Variants in C3orf33 observed in about 807,000 individuals in gnomAD.
The protein encoded by C3orf33 is mitochondrial inner membrane subdomain organizer 1.
A neutral mutation model predicts 28.7 loss-of-function variants in C3orf33; 23 were observed. The observed-to-expected ratio is 0.80, with a 90% CI of 0.58 to 1.13. C3orf33 has a LOEUF of 1.13. Among genes scored for constraint, C3orf33 ranks in the 50% most tolerant of loss-of-function variants. The pLI is 0.00. For synonymous variants in C3orf33, 119 were observed against 120.5 expected (o/e 0.99, Z 0.08); for missense variants, 327 against 353.4 (o/e 0.93, Z 0.60).
At chr3:155,773,779 A>G (rs1364100664) in intron 3 of C3orf33, among the ~76,000 whole-genome samples, 1 of 152,202 alleles carries the variant, frequency 6.6e-6, no homozygotes, top group Non-Finnish European at 1.5e-5. Flanking sequence ...AGCTCTAACG[A>G]GTCATTACTA....
chr3:155,790,928 G>A (rs755913571), intron 2 of C3orf33, among the ~76,000 whole-genome samples: 3 of 152,256 alleles, frequency 2.0e-5, no homozygotes, highest in African/African-American at 4.8e-5. Flanking sequence ...TCCTGGTGCC[G>A]TGTTGGCTCA....
intron 2 of C3orf33, among the ~76,000 whole-genome samples, chr3:155,801,717 G>C (rs1482042590): frequency 2.0e-5 from 3 of 152,042 alleles, no homozygotes; most frequent in African/African-American, 7.2e-5. Context: ...GGGATGAGGG[G>C]AAAGGGAAGT....
chr3:155,772,794 G>GTGTA (rs1750630516), intron 3 of C3orf33, among the ~76,000 whole-genome samples: 1 of 151,676 alleles, frequency 6.6e-6, no homozygotes, highest in African/African-American at 2.4e-5. Context: ...GTGTGTGTGT[G>GTGTA]TGTGTGTGTG....
chr3:155,779,077 G>T (rs1750838823), intron 2 of C3orf33, among the ~76,000 whole-genome samples: 1 of 152,170 alleles, frequency 6.6e-6, no homozygotes, highest in Non-Finnish European at 1.5e-5. Context: ...GTGATATTTA[G>T]AGATTTTAGG....
intron 3 of C3orf33, among the ~76,000 whole-genome samples, chr3:155,774,029 G>A (rs1046928140): frequency 6.6e-6 from 1 of 152,146 alleles, no homozygotes; most frequent in African/African-American, 2.4e-5. Context: ...TGAACAGAGT[G>A]ATATTCGTTC....
intron 3 of C3orf33, among the ~76,000 whole-genome samples, chr3:155,769,819 A>G (rs1349835315): frequency 6.6e-6 from 1 of 152,174 alleles, no homozygotes; most frequent in African/African-American, 2.4e-5. Flanking sequence ...CCAAAAACCA[A>G]GCTGCAAGTC....
chr3:155,796,801 AT>A (rs1751486981), intron 2 of C3orf33, among the ~76,000 whole-genome samples: 1 of 152,240 alleles, frequency 6.6e-6, no homozygotes, highest in Non-Finnish European at 1.5e-5. Flanking sequence ...ATTCAACAAC[AT>A]ATTAAAAAGA....
At chr3:155,769,267 G>A (rs1277960381) in intron 3 of C3orf33, among the ~76,000 whole-genome samples, 10 of 151,372 alleles carry the variant, frequency 6.6e-5, no homozygotes, top group Non-Finnish European at 1.2e-4. Flanking sequence ...AGCCAAGATC[G>A]TGCCATTGCA....
intron 2 of C3orf33, among the ~76,000 whole-genome samples, chr3:155,792,103 C>T (rs950077531): frequency 6.6e-6 from 1 of 152,110 alleles, no homozygotes; most frequent in African/African-American, 2.4e-5. Flanking sequence ...GTCACCCCTC[C>T]TCCAGCTCCA....
intron 2 of C3orf33, among the ~76,000 whole-genome samples, chr3:155,786,503 TA>T (rs1292353484): frequency 6.6e-6 from 1 of 151,954 alleles, no homozygotes; most frequent in Non-Finnish European, 1.5e-5. Context: ...ACAAATTGGA[TA>T]ACATAGATGA....
intron 3 of C3orf33, among the ~76,000 whole-genome samples, chr3:155,768,159 C>T (rs371483469): frequency 1.8e-4 from 28 of 152,236 alleles, no homozygotes; most frequent in African/African-American, 6.5e-4. Flanking sequence ...GGATTACAGG[C>T]GTGAGTCACC....
At chr3:155,792,792 G>A (rs1379856225) in intron 2 of C3orf33, among the ~76,000 whole-genome samples, 1 of 151,678 alleles carries the variant, frequency 6.6e-6, no homozygotes, top group African/African-American at 2.4e-5. Flanking sequence ...ACAGTCAGAG[G>A]AGAAAAAAAT....
chr3:155,766,120 G>C (rs753973233), intron 4 of C3orf33, among the ~76,000 whole-genome samples: 66 of 152,108 alleles, frequency 4.3e-4, no homozygotes, highest in South Asian at 1.2e-3. Context: ...TCTCGACTGC[G>C]TAGGCTGAAG....
chr3:155,772,396 G>A (rs1750618763), intron 3 of C3orf33, among the ~76,000 whole-genome samples: 1 of 152,104 alleles, frequency 6.6e-6, no homozygotes, highest in Non-Finnish European at 1.5e-5. Context: ...AGATGGGTGG[G>A]AAACTCTGTG....
intron 1 of C3orf33, among the ~76,000 whole-genome samples, chr3:155,803,564 CAAAAAAAAAAAAAA>C (rs63676264): frequency 5.6e-5 from 3 of 53,846 alleles, no homozygotes; most frequent in Non-Finnish European, 9.3e-5. Flanking sequence ...GACTCAGTCT[CAAAAAAAAAAAAAA>C]AAAAAAAGAA....
chr3:155,796,732 A>G (rs2109278544), intron 2 of C3orf33, among the ~76,000 whole-genome samples: 1 of 152,344 alleles, frequency 6.6e-6, no homozygotes, highest in South Asian at 2.1e-4. Context: ...GAAAACTACA[A>G]GTCAATATCC....
intron 2 of C3orf33, among the ~76,000 whole-genome samples, chr3:155,786,807 G>A (rs1424453953): frequency 6.6e-6 from 1 of 152,098 alleles, no homozygotes; most frequent in Non-Finnish European, 1.5e-5. Flanking sequence ...CTCCAGCCTG[G>A]GCAACAGTGC....
chr3:155,802,391 A>G, intron 2 of C3orf33, 141 bp downstream of exon 2: 1 of 598,244 alleles, frequency 1.7e-6, no homozygotes. Flanking sequence ...AGACCTTAAA[A>G]TATGTTCATT....
At chr3:155,773,210 G>A (rs980670665) in intron 3 of C3orf33, among the ~76,000 whole-genome samples, 2 of 152,180 alleles carry the variant, frequency 1.3e-5, no homozygotes, top group East Asian at 3.8e-4. Flanking sequence ...CATTCAAAAT[G>A]GTGTTTGGTT....
Sources: gnomAD v4.1 joint callset for allele counts (sites outside exome capture counted in the v4.1 genomes callset) on GRCh38, gnomAD v4.1.1 for gene constraint, MANE v1.5 for transcripts, NCBI Gene and HGNC (gene_info 2026-07-23, HGNC 2026-07-21) for gene names.